XRN2: variants seen among roughly 807,000 people sequenced by gnomAD.
XRN2 encodes the protein DHM1-like protein.
A neutral mutation model predicts 138.5 loss-of-function variants in XRN2; 44 were observed. The observed-to-expected ratio is 0.32, with a 90% confidence interval of 0.25 to 0.41. XRN2 has a LOEUF of 0.41. XRN2 is among the 10% of genes least tolerant of loss of function. The pLI is 1.00. For synonymous variants in XRN2, 354 were observed against 369.4 expected (o/e 0.96, Z 0.48); for missense variants, 937 against 1,169.3 (o/e 0.80, Z 2.90).
At chr20:21,350,398 C>T (rs991535573) in intron 20 of XRN2, among the ~76,000 whole-genome samples, 8 of 151,484 alleles carry the variant, frequency 5.3e-5, no homozygotes, top group Admixed American at 2.0e-4. Flanking sequence ...TGGTGGCGGG[C>T]GCCTGTAGTC....
At chr20:21,370,621 C>T (rs1171443465) in intron 27 of XRN2, among the ~76,000 whole-genome samples, 1 of 152,170 alleles carries the variant, frequency 6.6e-6, no homozygotes, top group African/African-American at 2.4e-5. Flanking sequence ...GTAGACTATA[C>T]CTTTAACCCT....
Position 21,344,149 on chromosome 20 carries a change from A to G in XRN2, c.1470A>G (p.Gly490=). 6.2e-7 allele frequency: 1 copy of G among 1,613,564 alleles called. No homozygotes were observed. The highest frequency in any genetic ancestry group is 8.5e-7 in the Non-Finnish European group (1 of 1,179,570). The part of the protein sequence containing the change: ...FTSDGSPSPL[G]GIKRKAEDSD... The stretch of plus-strand genomic sequence containing the variant: ...CTGATGGCTCCCCGTCTCCATTAGG[A>G]GGAATTAAGCGAAAAGCAGAAGACA... The change falls in exon 16 of 30, where the codon GGA becomes GGG. Residue 490 remains glycine, a synonymous_variant. Transcript: ENST00000377191.
intron 1 of XRN2, among the ~76,000 whole-genome samples, chr20:21,322,246 C>T (rs544364838): frequency 4.6e-5 from 7 of 152,162 alleles, no homozygotes; most frequent in East Asian, 1.9e-4. Context: ...TCACTAACGT[C>T]GTATAAAAAT....
chr20:21,386,793 T>C (rs529707157), intron 28 of XRN2, 75 bp from the exon 29 acceptor site: 64 of 1,534,060 alleles, frequency 4.2e-5, no homozygotes, highest in Middle Eastern at 3.6e-4. Context: ...AATTTGGAGA[T>C]GATACCTGCC....
At chr20:21,367,547 T>A (rs540392923) in intron 26 of XRN2, among the ~76,000 whole-genome samples, 22 of 152,148 alleles carry the variant, frequency 1.4e-4, no homozygotes, top group African/African-American at 5.3e-4. Context: ...CTTAATATAC[T>A]TGTGAACTTT....
chr20:21,333,668 G>A, intron 10 of XRN2, 36 bp from the exon 11 acceptor site: 1 of 1,613,998 alleles, frequency 6.2e-7, no homozygotes, highest in Non-Finnish European at 8.5e-7. Context: ...GGGTGCCTTT[G>A]ATAGCTGTAA....
intron 26 of XRN2, 112 bp from the exon 27 acceptor site, chr20:21,368,351 C>T: frequency 7.6e-7 from 1 of 1,316,898 alleles, no homozygotes; most frequent in Non-Finnish European, 1.0e-6. Context: ...TTATCTTAAT[C>T]AGATCTGTTA....
intron 24 of XRN2, among the ~76,000 whole-genome samples, chr20:21,362,750 A>G (rs115405173): frequency 1.3e-5 from 2 of 152,080 alleles, no homozygotes; most frequent in African/African-American, 2.4e-5. Context: ...GCCCTTCTCA[A>G]CTGGAGTTCC....
At chr20:21,368,763 A>AT (rs1443370271) in intron 27 of XRN2, among the ~76,000 whole-genome samples, 173 bp downstream of exon 27, 1 of 152,098 alleles carries the variant, frequency 6.6e-6, no homozygotes, top group Non-Finnish European at 1.5e-5. Context: ...TCTTTCATAC[A>AT]TTTTTTATCT....
At chr20:21,304,777 T>C (rs1446981136) in intron 1 of XRN2, among the ~76,000 whole-genome samples, 1 of 152,236 alleles carries the variant, frequency 6.6e-6, no homozygotes, top group East Asian at 1.9e-4. Flanking sequence ...CCATCGCCTG[T>C]GTAACGTATC....
intron 28 of XRN2, among the ~76,000 whole-genome samples, chr20:21,385,775 C>T (rs540116267): frequency 8.1e-4 from 124 of 152,298 alleles, no homozygotes; most frequent in African/African-American, 2.8e-3. Context: ...AGCCCAGCGC[C>T]GGGCTTTTTT....
chr20:21,326,692 T>C lies in XRN2; in HGVS notation c.315+91T>C, dbSNP rs554150150. 76 of 996,458 alleles carry C rather than the reference T, an allele frequency of 7.6e-5. No individual in the cohort carries two copies. The African/African-American group carries it at 1.2e-3, about 15-fold the overall frequency. 61.7% of individuals were successfully genotyped at this position (996,458 alleles called of 1,614,324 possible). A position where few individuals can be genotyped will look rare whatever the true frequency, so the allele number is the denominator to read the frequency against. Reference sequence around the variant, plus strand: ...TGAAAGTCAGCTAAATAATGAAAAATGTTGACAGTGATGAACTTGAGAAAG... The same window carrying C: ...TGAAAGTCAGCTAAATAATGAAAAACGTTGACAGTGATGAACTTGAGAAAG... On this transcript the variant is annotated intron_variant, in intron 3 of 29. Coordinates refer to ENST00000377191, the MANE Select transcript of XRN2 (RefSeq NM_012255.5).
chr20:21,382,100 C>A, intron 28 of XRN2, 43 bp downstream of exon 28: 1 of 1,549,870 alleles, frequency 6.5e-7, no homozygotes, highest in Non-Finnish European at 8.8e-7. Context: ...CTTTCTGACA[C>A]CAACATTTGG....
intron 12 of XRN2, 41 bp downstream of exon 12, chr20:21,334,035 C>T: frequency 6.2e-7 from 1 of 1,613,766 alleles, no homozygotes; most frequent in Non-Finnish European, 8.5e-7. Flanking sequence ...GAAGTATTTG[C>T]TTTTATAAGA....
intron 20 of XRN2, among the ~76,000 whole-genome samples, chr20:21,353,260 ATATATC>A (rs1256182431): frequency 2.8e-3 from 34 of 12,160 alleles, no homozygotes; most frequent in East Asian, 7.5e-3. Flanking sequence ...ATATATATAT[ATATATC>A]TCTTAAATGT....
At chr20:21,327,236 A>G (rs1359744412) in intron 3 of XRN2, among the ~76,000 whole-genome samples, 1 of 152,204 alleles carries the variant, frequency 6.6e-6, no homozygotes, top group Non-Finnish European at 1.5e-5. Flanking sequence ...CCTATAGGCA[A>G]TGAGTAGTCA....
At chr20:21,345,843 A>G (rs559028074) in intron 16 of XRN2, among the ~76,000 whole-genome samples, 6 of 152,254 alleles carry the variant, frequency 3.9e-5, no homozygotes, top group Non-Finnish European at 7.4e-5. Context: ...GCCATCAACA[A>G]CTCTTAGCTG....
intron 15 of XRN2, among the ~76,000 whole-genome samples, chr20:21,343,699 C>A (rs2038400779): frequency 6.6e-6 from 1 of 151,558 alleles, no homozygotes; most frequent in Non-Finnish European, 1.5e-5. Flanking sequence ...TGGTAGGTGG[C>A]AAATGATTGT....
Position 21,333,917 on chromosome 20 carries a change from T to A in XRN2, c.1068-20T>A. The stretch of plus-strand genomic sequence containing the variant: ...TGTGCCTACTGGTCCTAATGCATAA[T>A]GTTTGTCTCTTGCTGACAGGGAAAA... On this transcript the variant is annotated intron_variant, in intron 11 of 29. Transcript: ENST00000377191. 1 of 1,614,154 alleles carries A rather than the reference T, an allele frequency of 6.2e-7. No individual in the cohort carries two copies. The highest frequency in any genetic ancestry group is 1.1e-5 in the South Asian group (1 of 91,080).
Sources: allele counts gnomAD v4.1 joint callset (sites outside exome capture counted in the v4.1 genomes callset), GRCh38; gene constraint gnomAD v4.1.1; transcripts MANE v1.5; gene names NCBI Gene and HGNC (gene_info 2026-07-23, HGNC 2026-07-21).